The following C12orf43 variants were observed in gnomAD, a reference collection of about 807,000 sequenced individuals.
C12orf43 encodes the protein protein CUSTOS.
C12orf43 carries 15 observed loss-of-function variants against 20.6 expected under a neutral mutation model. That is an observed-to-expected ratio of 0.73 (90% CI 0.49 to 1.12). The LOEUF is 1.12. Ranked by LOEUF, C12orf43 falls within the 50% of genes most tolerant of loss-of-function variation. The pLI, the probability that C12orf43 is intolerant of heterozygous loss-of-function variation, is 0.00. For missense variants in C12orf43, 334 were observed against 344.4 expected (o/e 0.97, Z 0.24); for synonymous variants, 144 against 130.8 (o/e 1.10, Z -0.69).
At chr12:121,014,507 G>A (rs1397455550) in intron 1 of C12orf43, among the ~76,000 whole-genome samples, 5 of 151,790 alleles carry the variant, frequency 3.3e-5, no homozygotes, top group African/African-American at 7.3e-5. Flanking sequence ...GCAGGCGCCT[G>A]TAATCCCAGC....
In C12orf43 at chr12:121,004,222, CT is replaced by C. The variant is rs753404082; in HGVS notation, c.719del (p.Lys240ArgfsTer71). 2.8e-5 allele frequency: 46 copies of C among 1,614,094 alleles called. No individual in the cohort carries two copies. Among genetic ancestry groups the C allele is most frequent in the Non-Finnish European group, 3.8e-5 (45 of 1,180,048 alleles). On this transcript the variant is annotated frameshift_variant, in exon 6 of 6. Coordinates refer to ENST00000288757, the MANE Select transcript of C12orf43 (RefSeq NM_022895.3). LOFTEE classifies it low-confidence loss of function (END_TRUNC). The surrounding 1 kb of genome is among the most constrained non-coding windows in gnomAD (Gnocchi z 5.6). ...GAGAGGTCTCGCTGGCCTTCTTTGCCTTTTTCTTCTTTTTGGTCCCAAGCGA... is the reference window on the plus strand; with the variant it reads ...GAGAGGTCTCGCTGGCCTTCTTTGCCTTTTCTTCTTTTTGGTCCCAAGCGA... ...QVSLGTKKKK[K>X]AKKASETSPF...
chr12:121,016,126 T>C, intron 1 of C12orf43: 1 of 797,372 alleles, frequency 1.3e-6, no homozygotes, highest in Non-Finnish European at 2.1e-6. Context: ...GACATTTGGG[T>C]ACCTCAGCTT....
At chr12:121,012,349 C>T in intron 1 of C12orf43, 1 of 701,094 alleles carries the variant, frequency 1.4e-6, no homozygotes, top group Admixed American at 2.0e-5. Flanking sequence ...TCATGAAGGG[C>T]CCTGACGTGG....
chr12:121,007,620 C>A (rs1475748998), intron 3 of C12orf43, among the ~76,000 whole-genome samples: 1 of 152,230 alleles, frequency 6.6e-6, no homozygotes, highest in Non-Finnish European at 1.5e-5. Flanking sequence ...CTTCAGCCTT[C>A]ACAGGCTCTC....
chr12:121,012,405 G>A (rs1868452069), intron 1 of C12orf43: 3 of 702,458 alleles, frequency 4.3e-6, no homozygotes, highest in Non-Finnish European at 7.8e-6. Flanking sequence ...CTCTGGAAAT[G>A]AGCAGAGAAG....
chr12:121,007,799 A>G (rs1565895347), intron 3 of C12orf43, among the ~76,000 whole-genome samples: 1 of 152,116 alleles, frequency 6.6e-6, no homozygotes, highest in Non-Finnish European at 1.5e-5. Context: ...CCCTTCCTGT[A>G]TGCCAAAGGT....
chr12:121,007,289 C>T (rs1161021291), intron 3 of C12orf43: 5 of 152,174 alleles, frequency 3.3e-5, no homozygotes, highest in Admixed American at 1.3e-4. Context: ...CATTGTGCCT[C>T]GCTATAGTAC....
At chr12:121,006,425 T>C (rs371533121) in intron 3 of C12orf43, 31 bp from the exon 4 acceptor site, 3 of 1,604,638 alleles carry the variant, frequency 1.9e-6, no homozygotes, top group Non-Finnish European at 2.6e-6. Flanking sequence ...TGATTTAAGA[T>C]GAGATTTTTG....
chr12:121,013,704 T>A (rs1868609454), intron 1 of C12orf43, among the ~76,000 whole-genome samples: 1 of 152,166 alleles, frequency 6.6e-6, no homozygotes. Flanking sequence ...AATAAAATAG[T>A]GACCTATATT....
chr12:121,012,464 A>T (rs1350607348), intron 1 of C12orf43: 1 of 702,660 alleles, frequency 1.4e-6, no homozygotes, highest in Non-Finnish European at 2.6e-6. Context: ...GCTGCTGTGC[A>T]GCGTGAGACT....
At position 121,002,492 on chromosome 12, in the gene C12orf43, C is replaced by G. The variant is rs1565890145; in HGVS notation, c.*1661G>C. The G allele has an allele frequency of 3.9e-6, 2 of 515,380 alleles. No individual in the cohort carries two copies. The highest frequency in any genetic ancestry group is 1.9e-5 in the African/African-American group (1 of 52,796). The allele number at this position is 515,380 out of a possible 1,614,324, so 31.9% of individuals were successfully genotyped here. A position where few individuals can be genotyped will look rare whatever the true frequency, so the allele number is the denominator to read the frequency against. ...ACGTTTATTTAACTTTTAGTAAAGT[C>G]AAGGAGAAATGCGGTGGAAACTTCT... On this transcript the variant is annotated 3_prime_UTR_variant, in exon 6 of 6. Transcript: ENST00000288757.
At position 121,004,535 on chromosome 12, in the gene C12orf43, A is replaced by G; in HGVS notation, c.453-46T>C. 6.6e-7 allele frequency: 1 copy of G among 1,516,330 alleles called. No individual in the cohort carries two copies. The highest frequency in any genetic ancestry group is 8.8e-7 in the Non-Finnish European group (1 of 1,133,514). The allele number at this position is 1,516,330 out of a possible 1,614,324, so 93.9% of individuals were successfully genotyped here. The stretch of plus-strand genomic sequence containing the variant: ...CCTGGGTTAGCTGGAGTCAGGACAC[A>G]GCCCCAGAGCTGCCTCTCGCTGTCC... On this transcript the variant is annotated intron_variant, in intron 5 of 5. Transcript: ENST00000288757. The surrounding 1 kb of genome is among the most constrained non-coding windows in gnomAD (Gnocchi z 5.6).
In C12orf43 at chr12:121,004,438, C is replaced by T. The variant is rs73214128; in HGVS notation, c.504G>A (p.Ala168=). 88,499 of 1,612,526 alleles carry T rather than the reference C, an allele frequency of 0.055. 2,879 individuals are homozygous for T. The highest frequency in any genetic ancestry group is 0.11 in the South Asian group (9,734 of 91,050). ...TGGCTGACTCCTGTAGGATGTCGGACGCCGACACAGCTGCCTCCCGGCACC... is the reference window on the plus strand; with the variant it reads ...TGGCTGACTCCTGTAGGATGTCGGATGCCGACACAGCTGCCTCCCGGCACC... The part of the protein sequence containing the change: ...WRRCREAAVS[A]SDILQESAIH... The change falls in exon 6 of 6, where the codon GCG becomes GCA. Residue 168 remains alanine (A), a synonymous_variant. Coordinates refer to ENST00000288757, the MANE Select transcript of C12orf43 (RefSeq NM_022895.3). This position sits in a 1 kb window ranked among gnomAD's most constrained non-coding sequence, Gnocchi z 5.6.
intron 4 of C12orf43, chr12:121,006,101 A>G: frequency 2.0e-6 from 1 of 498,432 alleles, no homozygotes; most frequent in Non-Finnish European, 3.6e-6. Context: ...CTGTGGTCCC[A>G]GCTACTCAGG....
At position 121,005,210 on chromosome 12, in the gene C12orf43, G is replaced by C; in HGVS notation, c.362-117C>G. 9.2e-5 allele frequency: 45 copies of C among 491,096 alleles called. No homozygotes were observed. Among genetic ancestry groups the C allele is most frequent in the East Asian group, 1.2e-4 (3 of 25,078 alleles). 30.4% of individuals were successfully genotyped at this position (491,096 alleles called of 1,614,324 possible). A position where few individuals can be genotyped will look rare whatever the true frequency, so the allele number is the denominator to read the frequency against. On this transcript the variant is annotated intron_variant, in intron 4 of 5. Coordinates refer to ENST00000288757, the MANE Select transcript of C12orf43 (RefSeq NM_022895.3). This position sits in a 1 kb window ranked among gnomAD's most constrained non-coding sequence, Gnocchi z 5.6. ...ATTTTAAAAAGGAAAACGAAAGAAA[G>C]AAAAGATAAAGAGAAACAAAAAAAA...
rs200371786 is a variant in C12orf43 at position 121,004,434 on chromosome 12, C to G, written c.508G>C (p.Asp170His). The G allele has an allele frequency of 1.2e-6, 2 of 1,612,950 alleles. No individual in the cohort carries two copies. Among genetic ancestry groups the G allele is most frequent in the African/African-American group, 2.7e-5 (2 of 75,024 alleles). ...RCREAAVSAS[D>H]ILQESAIHSP... ...TGGATGGCTGACTCCTGTAGGATGT[C>G]GGACGCCGACACAGCTGCCTCCCGG... The change falls in exon 6 of 6, where the codon GAC becomes CAC. Residue 170 changes from aspartate to histidine, a missense_variant. Physicochemically the swap from Asp to His is moderately conservative, Grantham distance 81. Coordinates refer to ENST00000288757, the MANE Select transcript of C12orf43 (RefSeq NM_022895.3). This position sits in a 1 kb window ranked among gnomAD's most constrained non-coding sequence, Gnocchi z 5.6.
At position 121,003,030 on chromosome 12, in the gene C12orf43, T is replaced by C. The variant is rs1224205652; in HGVS notation, c.*1123A>G. The C allele has an allele frequency of 5.7e-5, 8 of 139,226 alleles. No homozygotes were observed. Among genetic ancestry groups the C allele is most frequent in the African/African-American group, 2.0e-4 (8 of 39,162 alleles). The allele number at this position is 139,226 out of a possible 1,614,324, so 8.6% of individuals were successfully genotyped here. ...CTTCTACTTCTTTTCTTTTTCTTTT[T>C]CTTTTTTTTTTTTTGAGATAGGGTC... On this transcript the variant is annotated 3_prime_UTR_variant, in exon 6 of 6. Coordinates refer to ENST00000288757, the MANE Select transcript of C12orf43 (RefSeq NM_022895.3).
In C12orf43 at chr12:121,002,646, C is replaced by A; in HGVS notation, c.*1507G>T. On this transcript the variant is annotated 3_prime_UTR_variant, in exon 6 of 6. Coordinates refer to ENST00000288757, the MANE Select transcript of C12orf43 (RefSeq NM_022895.3). ...ACACCCCACATCTCTGCTTTTCTTG[C>A]TCTGCTGAGACTCTAATGACAAAGC... 2.8e-6 allele frequency: 1 copy of A among 359,208 alleles called. No homozygotes were observed. Among genetic ancestry groups the A allele is most frequent in the Non-Finnish European group, 5.5e-6 (1 of 183,258 alleles). The allele number at this position is 359,208 out of a possible 1,614,324, so 22.3% of individuals were successfully genotyped here.
In C12orf43 at chr12:121,004,016, G is replaced by A. The variant is rs1251076401; in HGVS notation, c.*137C>T. 1 of 964,648 alleles carries A rather than the reference G, an allele frequency of 1.0e-6. No individual in the cohort carries two copies. The highest frequency in any genetic ancestry group is 1.6e-5 in the African/African-American group (1 of 62,022). 59.8% of individuals were successfully genotyped at this position (964,648 alleles called of 1,614,324 possible). A position where few individuals can be genotyped will look rare whatever the true frequency, so the allele number is the denominator to read the frequency against. On this transcript the variant is annotated 3_prime_UTR_variant, in exon 6 of 6. Transcript: ENST00000288757. The surrounding 1 kb of genome is among the most constrained non-coding windows in gnomAD (Gnocchi z 5.6). Reference sequence around the variant, plus strand: ...CGAGCAAGCCTTCATCACCATCAGGGTCTCATGGGCAGTCTGGGTTTGCCA... The same window carrying A: ...CGAGCAAGCCTTCATCACCATCAGGATCTCATGGGCAGTCTGGGTTTGCCA...
Sources: gnomAD v4.1 joint callset for allele counts (sites outside exome capture counted in the v4.1 genomes callset) on GRCh38, gnomAD v4.1.1 for gene constraint, Gnocchi (gnomAD v3.1) non-coding constraint, MANE v1.5 for transcripts, NCBI Gene and HGNC (gene_info 2026-07-23, HGNC 2026-07-21) for gene names.